AKNA: variants seen among roughly 807,000 people sequenced by gnomAD.
The protein encoded by AKNA is microtubule organization protein AKNA.
AKNA carries 67 observed loss-of-function variants against 138.8 expected under a neutral mutation model. The ratio of observed to expected loss-of-function variants is 0.48; its 90% CI spans 0.40 to 0.59. The LOEUF (loss-of-function observed/expected upper bound fraction) is 0.59, where lower values mean the gene tolerates loss of function less well. AKNA is among the 20% of genes least tolerant of loss of function. The probability of loss-of-function intolerance (pLI) is 0.00; values close to 1 mark genes in which losing one functional copy is unlikely to be tolerated. For synonymous variants in AKNA, 737 were observed against 754.4 expected (o/e 0.98, Z 0.38); for missense variants, 1,813 against 1,880.4 (o/e 0.96, Z 0.66).
intron 18 of AKNA, chr9:114,345,272 G>A (rs1421375410): frequency 2.0e-5 from 3 of 152,062 alleles, no homozygotes; most frequent in African/African-American, 7.2e-5. Context: ...TAGAAACGGG[G>A]TTTTGTCACA....
At chr9:114,348,014 C>T (rs1830819342) in intron 15 of AKNA, 114 bp from the exon 16 acceptor site, 1 of 1,151,656 alleles carries the variant, frequency 8.7e-7, no homozygotes, top group Non-Finnish European at 1.2e-6. Context: ...GGCACAGGGT[C>T]TATCTCTGCT....
chr9:114,346,079 G>A lies in AKNA; in HGVS notation c.3515-70C>T, dbSNP rs2131816728. ...GTCACATTTCTCAAGGAGTGGGTAT[G>A]CCATGAGTTTAGGCTCTGGGGTGGA... On this transcript the variant is annotated intron_variant, in intron 17 of 21. Transcript: ENST00000374088. The A allele has an allele frequency of 2.0e-6, 3 of 1,511,836 alleles. No individual in the cohort carries two copies. The South Asian group carries it at 3.6e-5, about 18-fold the overall frequency. 93.7% of individuals were successfully genotyped at this position (1,511,836 alleles called of 1,614,324 possible).
At chr9:114,378,131 ATC>A (rs1833377335) in intron 2 of AKNA, among the ~76,000 whole-genome samples, 1 of 151,544 alleles carries the variant, frequency 6.6e-6, no homozygotes, top group East Asian at 1.9e-4. Context: ...CTCCTGATCC[ATC>A]TCTCTCCATG....
At chr9:114,390,108 T>A (rs1373631561), upstream of AKNA, among the ~76,000 whole-genome samples, 1 of 152,174 alleles carries the variant, frequency 6.6e-6, no homozygotes, top group African/African-American at 2.4e-5. Flanking sequence ...TGGCTGCCAT[T>A]GCTGGGCATA....
chr9:114,367,763 C>A lies in AKNA; in HGVS notation c.1574-66G>T, dbSNP rs1832471018. 33 of 1,485,890 alleles carry A rather than the reference C, an allele frequency of 2.2e-5. No individual in the cohort carries two copies. The South Asian group carries it at 4.1e-4, about 18-fold the overall frequency. 92.0% of individuals were successfully genotyped at this position (1,485,890 alleles called of 1,614,324 possible). On this transcript the variant is annotated intron_variant, in intron 5 of 21. Coordinates refer to ENST00000374088, the MANE Select transcript of AKNA (RefSeq NM_001317950.2). ...CCTTCCAGGAGCTGAAGGACTGAGG[C>A]TGAACGTCAAAGCCACCACCTCCAT...
At chr9:114,333,783 C>G (rs1386566568), downstream of AKNA, among the ~76,000 whole-genome samples, 2 of 150,224 alleles carry the variant, frequency 1.3e-5, no homozygotes, top group African/African-American at 2.5e-5. Context: ...TGAGAGGATG[C>G]ATTTGAGTAA....
At chr9:114,395,218 G>A (rs1165865842), upstream of AKNA, among the ~76,000 whole-genome samples, 1 of 152,102 alleles carries the variant, frequency 6.6e-6, no homozygotes, top group African/African-American at 2.4e-5. Flanking sequence ...ACAGACAGAG[G>A]CTTCTCCTTC....
At chr9:114,360,820 G>A (rs1245096033) in intron 9 of AKNA, among the ~76,000 whole-genome samples, 1 of 152,166 alleles carries the variant, frequency 6.6e-6, no homozygotes, top group Non-Finnish European at 1.5e-5. Flanking sequence ...CCTGCAAAAC[G>A]GAGATAGTGA....
intron 15 of AKNA, chr9:114,348,997 C>T (rs1830910517): frequency 1.1e-5 from 5 of 456,048 alleles, no homozygotes; most frequent in South Asian, 4.6e-5. Context: ...GGCTGTGCCC[C>T]AGCGCTGAGT....
intron 6 of AKNA, among the ~76,000 whole-genome samples, chr9:114,367,032 A>G (rs1267712824): frequency 6.6e-6 from 1 of 152,146 alleles, no homozygotes; most frequent in East Asian, 1.9e-4. Context: ...GGTGCTTTAA[A>G]CCACTTCTGG....
At chr9:114,387,176 A>C (rs1212051190) in intron 1 of AKNA, among the ~76,000 whole-genome samples, 1 of 151,210 alleles carries the variant, frequency 6.6e-6, no homozygotes, top group Non-Finnish European at 1.5e-5. Flanking sequence ...GCTCAACCAT[A>C]CCCCCACCCA....
Position 114,381,246 on chromosome 9 carries a change from T to A in AKNA, c.88A>T (p.Lys30Ter). 6.2e-7 allele frequency: 1 copy of A among 1,614,128 alleles called. No individual in the cohort carries two copies. Among genetic ancestry groups the A allele is most frequent in the Non-Finnish European group, 8.5e-7 (1 of 1,179,994 alleles). ...GAACTACTTCTATCCACATCCCTCT[T>A]GTCCTCGGCCCAGGCCCAGCGCCGC... ...QRRRWAWAED[K>*]RDVDRSSSQS... is the part of the protein sequence containing the mutation. Residue 30 changes from lysine (K) to a stop codon, truncating the protein, a stop_gained, in exon 2 of 22, where the codon AAG becomes TAG. Transcript: ENST00000374088. LOFTEE classifies it high-confidence loss of function.
rs200442161 is a variant in AKNA, at chr9:114,386,782, C to T, written c.-114+1078G>A. On this transcript the variant is annotated intron_variant, in intron 1 of 21. Transcript: ENST00000374088. ...CCCCACCACCCACACAGGGCTTCTCCGCCCGCTCAGTCATTCCACAGCCAG... is the reference window on the plus strand; with the variant it reads ...CCCCACCACCCACACAGGGCTTCTCTGCCCGCTCAGTCATTCCACAGCCAG... 1.3e-4 allele frequency among the ~76,000 whole-genome samples: 20 copies of T among 152,248 alleles called. No individual in the cohort carries two copies. The East Asian group carries it at 2.3e-3, about 18-fold the overall frequency.
intron 11 of AKNA, 121 bp from the exon 12 acceptor site, chr9:114,358,288 CCCAG>C: frequency 7.2e-7 from 1 of 1,395,442 alleles, no homozygotes; most frequent in Non-Finnish European, 9.7e-7. Context: ...TCCCTGGCTG[CCCAG>C]CCTGGTTCTG....
intron 15 of AKNA, among the ~76,000 whole-genome samples, chr9:114,349,951 C>T (rs537793703): frequency 1.3e-5 from 2 of 152,208 alleles, no homozygotes; most frequent in Non-Finnish European, 2.9e-5. Context: ...AGCCTCTAAC[C>T]GGACCAGATG....
At chr9:114,337,694 G>A (rs908054436) in intron 21 of AKNA, among the ~76,000 whole-genome samples, 1 of 152,046 alleles carries the variant, frequency 6.6e-6, no homozygotes, top group Non-Finnish European at 1.5e-5. Context: ...GATCACCCTA[G>A]GCTTGATAGC....
At chr9:114,350,641 A>T (rs1387570359) in intron 15 of AKNA, among the ~76,000 whole-genome samples, 1 of 152,208 alleles carries the variant, frequency 6.6e-6, no homozygotes, top group Non-Finnish European at 1.5e-5. Flanking sequence ...TCTTTAGGTC[A>T]TATTCCACTG....
At chr9:114,383,517 A>T (rs1833830869) in intron 1 of AKNA, among the ~76,000 whole-genome samples, 2 of 152,268 alleles carry the variant, frequency 1.3e-5, no homozygotes, top group Middle Eastern at 3.4e-3. Context: ...ACAGATGGGG[A>T]AACTGGGATC....
intron 1 of AKNA, among the ~76,000 whole-genome samples, chr9:114,387,004 C>T (rs1834081332): frequency 6.6e-6 from 1 of 152,062 alleles, no homozygotes; most frequent in South Asian, 2.1e-4. Flanking sequence ...GACACTGAGG[C>T]ACAGAGACAT....
Sources: allele counts gnomAD v4.1 joint callset (sites outside exome capture counted in the v4.1 genomes callset), GRCh38; gene constraint gnomAD v4.1.1; transcripts MANE v1.5; gene names NCBI Gene and HGNC (gene_info 2026-07-23, HGNC 2026-07-21).